The following CCDC3 variants were observed in gnomAD, a reference collection of about 807,000 sequenced individuals.
CCDC3 encodes coiled-coil domain-containing protein 3.
Under a neutral mutation model 21.4 loss-of-function variants are expected in CCDC3, and 24 were observed. That is an observed-to-expected ratio of 1.12 (90% CI 0.81 to 1.58). The LOEUF (loss-of-function observed/expected upper bound fraction) is 1.58. CCDC3 is among the 40% of genes most tolerant of loss of function. The pLI is 0.00. For missense variants in CCDC3, 425 were observed against 360.9 expected (o/e 1.18, Z -1.44); for synonymous variants, 186 against 166.0 (o/e 1.12, Z -0.93).
In CCDC3 at chr10:12,998,347, T is replaced by C; in HGVS notation, c.540A>G (p.Glu180=). ...TTTAGCCAATTCTTACCCTACTGTCTTCCTGGATTTCCCAGTCACTGGAGA... is the reference window on the plus strand; with the variant it reads ...TTTAGCCAATTCTTACCCTACTGTCCTCCTGGATTTCCCAGTCACTGGAGA... ...ATFSSDWEIQ[E]DSRLMCSSVQ... is the part of the protein sequence containing the mutation. Residue 180 remains glutamate (E), a synonymous_variant, in exon 2 of 3, where the codon GAA becomes GAG. Coordinates refer to ENST00000378825, the MANE Select transcript of CCDC3 (RefSeq NM_031455.4). 6.2e-7 allele frequency: 1 copy of C among 1,614,110 alleles called. No homozygotes were observed. Among genetic ancestry groups the C allele is most frequent in the South Asian group, 1.1e-5 (1 of 91,056 alleles).
chr10:12,951,070 T>G (rs767431823), intron 2 of CCDC3, among the ~76,000 whole-genome samples: 14 of 152,174 alleles, frequency 9.2e-5, no homozygotes, highest in Non-Finnish European at 1.9e-4. Flanking sequence ...TCAGAAAGTA[T>G]TCAGTGAGCA....
At chr10:13,009,178 A>C (rs1835957626) in intron 5 of CCDC3, among the ~76,000 whole-genome samples, 1 of 152,236 alleles carries the variant, frequency 6.6e-6, no homozygotes, top group Non-Finnish European at 1.5e-5. Flanking sequence ...CAATGGCATC[A>C]AAATATATGA....
chr10:13,030,914 C>A (rs1282428455), intron 5 of CCDC3, among the ~76,000 whole-genome samples: 1 of 152,182 alleles, frequency 6.6e-6, no homozygotes. Flanking sequence ...TAACACCCCA[C>A]TGTCAACATT....
At chr10:12,939,277 C>G (rs1311618002) in intron 2 of CCDC3, among the ~76,000 whole-genome samples, 1 of 152,180 alleles carries the variant, frequency 6.6e-6, no homozygotes, top group Non-Finnish European at 1.5e-5. Context: ...TCTGTCCAGT[C>G]CATCAGACCT....
chr10:13,023,857 T>C (rs555104144), intron 5 of CCDC3, among the ~76,000 whole-genome samples: 2 of 152,118 alleles, frequency 1.3e-5, no homozygotes. Context: ...ACTAAAGAGG[T>C]GTGTTTTCTG....
intron 3 of CCDC3, among the ~76,000 whole-genome samples, chr10:13,093,354 G>T (rs1405848958): frequency 6.6e-6 from 1 of 152,048 alleles, no homozygotes; most frequent in East Asian, 1.9e-4. Context: ...GAACAGTATG[G>T]AGGAAAACAC....
At chr10:12,924,526 C>G (rs576360600) in intron 2 of CCDC3, among the ~76,000 whole-genome samples, 2 of 152,154 alleles carry the variant, frequency 1.3e-5, no homozygotes, top group African/African-American at 4.8e-5. Flanking sequence ...TGAGAATAGC[C>G]GAAGTGGAAC....
intron 2 of CCDC3, among the ~76,000 whole-genome samples, chr10:12,978,212 T>C (rs1407784641): frequency 6.6e-6 from 1 of 151,992 alleles, no homozygotes; most frequent in East Asian, 1.9e-4. Flanking sequence ...AGAGAGGGGG[T>C]TTCACCATGT....
intron 4 of CCDC3, chr10:13,073,771 G>T (rs1284667706): frequency 6.6e-6 from 1 of 152,026 alleles, no homozygotes; most frequent in Admixed American, 6.5e-5. Context: ...ACAGGCATGA[G>T]CCACGGTGGC....
At position 12,908,188 on chromosome 10, in the gene CCDC3, C is replaced by T. The variant is rs770124912; in HGVS notation, c.550-9509G>A. Among the ~76,000 whole-genome samples, 5 of 152,296 alleles carry T rather than the reference C, an allele frequency of 3.3e-5. No homozygotes were observed. The South Asian group carries it at 6.2e-4, about 19-fold the overall frequency. On this transcript the variant is annotated intron_variant, in intron 2 of 2. Transcript: ENST00000378825. Reference sequence around the variant, plus strand: ...GTTTCCCAAAATGGAGTCTCCAGGACACTCGTCTCATTAGATGTTTACGTG... The same window carrying T: ...GTTTCCCAAAATGGAGTCTCCAGGATACTCGTCTCATTAGATGTTTACGTG...
In CCDC3 at chr10:12,938,105, G is replaced by A. The variant is rs984790060; in HGVS notation, c.550-39426C>T. Among the ~76,000 whole-genome samples, 5 of 152,288 alleles carry A rather than the reference G, an allele frequency of 3.3e-5. No homozygotes were observed. In the East Asian group the frequency reaches 7.7e-4, roughly 24 times the overall value. On this transcript the variant is annotated intron_variant, in intron 2 of 2. Transcript: ENST00000378825. Reference sequence around the variant, plus strand: ...CATTGAAACCTGGCTCCTTCCCAAAGACACAGCTTCCTTGTCCCTCAGCCT... The same window carrying A: ...CATTGAAACCTGGCTCCTTCCCAAAAACACAGCTTCCTTGTCCCTCAGCCT...
At chr10:12,946,647 C>A (rs1169673007) in intron 2 of CCDC3, among the ~76,000 whole-genome samples, 10 of 152,170 alleles carry the variant, frequency 6.6e-5, no homozygotes, top group Non-Finnish European at 8.8e-5. Flanking sequence ...ATGAACTGTT[C>A]TTTGCTCACA....
rs1463442431 is a variant in CCDC3 at position 13,058,215 on chromosome 10, C to T, written c.-269-8274G>A. On this transcript the variant is annotated intron_variant, in intron 4 of 6. Coordinates refer to the CCDC3 transcript ENST00000378839. ...AGGGTGCCAAAAACTTGATTGCCAG[C>T]GGTAGTTCTGGCAAGGCCTGCATCC... 2.4e-5 allele frequency: 31 copies of T among 1,279,512 alleles called. No individual in the cohort carries two copies. In the East Asian group the frequency reaches 2.5e-4, roughly 10 times the overall value. The allele number at this position is 1,279,512 out of a possible 1,614,324, so 79.3% of individuals were successfully genotyped here.
At chr10:12,998,626 C>T in intron 1 of CCDC3, 114 bp from the exon 2 acceptor site, 2 of 864,850 alleles carry the variant, frequency 2.3e-6, no homozygotes, top group Non-Finnish European at 3.6e-6. Flanking sequence ...CAATGTCTGG[C>T]ATGGCTCTCA....
intron 2 of CCDC3, among the ~76,000 whole-genome samples, chr10:12,987,569 A>G (rs1348093286): frequency 6.6e-6 from 1 of 152,216 alleles, no homozygotes; most frequent in East Asian, 1.9e-4. Context: ...CCAGAACTCT[A>G]TTTTAAAACC....
Position 13,086,300 on chromosome 10 carries a change from C to T in CCDC3, c.-502-12200G>A, listed in dbSNP as rs1019031245. ...ACCCAAAATTTGTAAGTTTCAAATG[C>T]AAAGTAGATGAATAATCATTCTTTT... On this transcript the variant is annotated intron_variant, in intron 3 of 6. Coordinates refer to the CCDC3 transcript ENST00000378839. Among the ~76,000 whole-genome samples, 4 of 152,216 alleles carry T rather than the reference C, an allele frequency of 2.6e-5. No individual in the cohort carries two copies. The South Asian group carries it at 6.2e-4, about 24-fold the overall frequency.
chr10:12,925,894 T>A (rs1334252159), intron 2 of CCDC3, among the ~76,000 whole-genome samples: 1 of 152,228 alleles, frequency 6.6e-6, no homozygotes, highest in Non-Finnish European at 1.5e-5. Context: ...AAACTTTATG[T>A]ATGAGGCAGA....
At chr10:13,051,894 G>A (rs1180184130) in intron 4 of CCDC3, among the ~76,000 whole-genome samples, 1 of 152,136 alleles carries the variant, frequency 6.6e-6, no homozygotes, top group African/African-American at 2.4e-5. Context: ...GCTTGGACAG[G>A]ACAATGCAGA....
intron 5 of CCDC3, among the ~76,000 whole-genome samples, chr10:13,027,912 G>T (rs985332863): frequency 6.6e-6 from 1 of 152,116 alleles, no homozygotes; most frequent in African/African-American, 2.4e-5. Context: ...CCAGAATATA[G>T]ATCCCACATC....
Sources: allele counts gnomAD v4.1 joint callset (sites outside exome capture counted in the v4.1 genomes callset), GRCh38; gene constraint gnomAD v4.1.1; transcripts MANE v1.5; gene names NCBI Gene and HGNC (gene_info 2026-07-23, HGNC 2026-07-21).